Variants in RANBP2 observed in about 807,000 individuals in gnomAD.
RANBP2 encodes the protein E3 SUMO-protein ligase RanBP2.
Under a neutral mutation model 303.6 loss-of-function variants are expected in RANBP2, and 57 were observed. That is an observed-to-expected ratio of 0.19 (90% CI 0.15 to 0.23). RANBP2 has a LOEUF of 0.23. Among genes scored for constraint, RANBP2 ranks in the 10% least tolerant of loss-of-function variants. The probability of loss-of-function intolerance (pLI) is 1.00; values close to 1 mark genes in which losing one functional copy is unlikely to be tolerated. For missense variants in RANBP2, 3,138 were observed against 3,780.8 expected, an observed-to-expected ratio of 0.83 and a Z score of 4.46; for synonymous variants, 1,167 against 1,301.5, an observed-to-expected ratio of 0.90 and a Z score of 2.23.
chr2:109,425,860 T>C, the RANBP2 span, among the ~76,000 whole-genome samples: 1 of 152,214 alleles, frequency 6.6e-6, no homozygotes, highest in Non-Finnish European at 1.5e-5. Context: ...GATTGTCAAG[T>C]GTTCTTATTT....
chr2:108,844,742 A>G, the RANBP2 span, among the ~76,000 whole-genome samples: 1 of 148,576 alleles, frequency 6.7e-6, no homozygotes, highest in Non-Finnish European at 1.5e-5. Context: ...GGCAAATACT[A>G]TCCACATTTT....
the RANBP2 span, among the ~76,000 whole-genome samples, chr2:108,944,541 C>T: frequency 6.6e-6 from 1 of 152,228 alleles, no homozygotes; most frequent in Non-Finnish European, 1.5e-5. Context: ...GTGAAGCAGG[C>T]TCTCCTGGAT....
the RANBP2 span, among the ~76,000 whole-genome samples, chr2:108,841,176 C>T: frequency 2.0e-5 from 3 of 152,070 alleles, no homozygotes; most frequent in African/African-American, 7.2e-5. Context: ...GTTTCTGTTA[C>T]TCTGTTTTTC....
the RANBP2 span, among the ~76,000 whole-genome samples, chr2:109,063,075 G>C: frequency 2.0e-5 from 3 of 152,286 alleles, no homozygotes; most frequent in African/African-American, 7.2e-5. Flanking sequence ...ACCTGCTGGA[G>C]TGTGTGCCCC....
intron 12 of RANBP2, among the ~76,000 whole-genome samples, chr2:108,752,365 T>C (rs1221935115): frequency 6.6e-6 from 1 of 151,930 alleles, no homozygotes; most frequent in East Asian, 1.9e-4. Flanking sequence ...ATGGTCAGCC[T>C]TTTGAACAAA....
At chr2:109,172,388 C>A in the RANBP2 span, among the ~76,000 whole-genome samples, 1 of 152,264 alleles carries the variant, frequency 6.6e-6, no homozygotes, top group Non-Finnish European at 1.5e-5. Context: ...CGTCCTCTCC[C>A]TGCTCCTGGA....
the RANBP2 span, among the ~76,000 whole-genome samples, chr2:108,824,169 AAT>A: frequency 2.7e-4 from 15 of 54,974 alleles, no homozygotes; most frequent in East Asian, 3.4e-3. Flanking sequence ...TAGAAAAAAA[AAT>A]TTTTTCTTCA....
At chr2:109,629,500 T>A in the RANBP2 span, among the ~76,000 whole-genome samples, 1 of 151,456 alleles carries the variant, frequency 6.6e-6, no homozygotes, top group South Asian at 2.1e-4. Context: ...CTGTACAAAT[T>A]TGAATAGTAA....
At chr2:109,057,089 GA>G in the RANBP2 span, among the ~76,000 whole-genome samples, 1 of 152,106 alleles carries the variant, frequency 6.6e-6, no homozygotes, top group Non-Finnish European at 1.5e-5. Context: ...ATGAGTTTTT[GA>G]ATACCTAGGG....
the RANBP2 span, among the ~76,000 whole-genome samples, chr2:109,324,822 G>A: frequency 6.6e-6 from 1 of 152,202 alleles, no homozygotes; most frequent in Non-Finnish European, 1.5e-5. Context: ...TCCAAGGACA[G>A]TACTCTCCGT....
the RANBP2 span, chr2:108,805,060 T>C: frequency 2.0e-6 from 2 of 1,013,142 alleles, no homozygotes; most frequent in Non-Finnish European, 2.7e-6. Context: ...AGAAGTATAT[T>C]TTATATATAA....
chr2:108,756,814 C>T (rs1291911153), intron 17 of RANBP2, among the ~76,000 whole-genome samples: 1 of 152,176 alleles, frequency 6.6e-6, no homozygotes, highest in Non-Finnish European at 1.5e-5. Flanking sequence ...GTTCTCATCA[C>T]ACTGAATGTT....
the RANBP2 span, among the ~76,000 whole-genome samples, chr2:109,407,533 G>A: frequency 3.3e-5 from 5 of 152,294 alleles, no homozygotes; most frequent in African/African-American, 1.2e-4. Context: ...AGGAGCTGAA[G>A]CAGGACCTTC....
chr2:108,807,965 T>C, the RANBP2 span, among the ~76,000 whole-genome samples: 1 of 152,182 alleles, frequency 6.6e-6, no homozygotes, highest in Non-Finnish European at 1.5e-5. Context: ...ATTCCTTCCT[T>C]TCCACAGCCA....
the RANBP2 span, among the ~76,000 whole-genome samples, chr2:109,421,784 A>G: frequency 6.6e-6 from 1 of 152,224 alleles, no homozygotes; most frequent in Non-Finnish European, 1.5e-5. Context: ...CAGGTGACAC[A>G]GTGGCCCTCC....
chr2:108,752,881 T>A, intron 12 of RANBP2, 117 bp from the exon 13 acceptor site: 1 of 1,576,186 alleles, frequency 6.3e-7, no homozygotes, highest in Non-Finnish European at 8.7e-7. Flanking sequence ...AAATGACTAT[T>A]GAGATACCAT....
the RANBP2 span, among the ~76,000 whole-genome samples, chr2:109,005,253 C>T: frequency 1.3e-5 from 2 of 152,226 alleles, no homozygotes; most frequent in Non-Finnish European, 2.9e-5. Flanking sequence ...AACCTTCCTC[C>T]AGACTAATCT....
chr2:108,739,234 TC>T (rs1695869698), intron 6 of RANBP2, among the ~76,000 whole-genome samples: 1 of 151,834 alleles, frequency 6.6e-6, no homozygotes, highest in African/African-American at 2.4e-5. Flanking sequence ...AAACCTTGTC[TC>T]TACTAAAAAT....
At chr2:109,470,928 C>A in the RANBP2 span, among the ~76,000 whole-genome samples, 12 of 152,102 alleles carry the variant, frequency 7.9e-5, no homozygotes, top group African/African-American at 2.9e-4. Context: ...TAAAGAAATA[C>A]CAGAGACTAG....
Sources: allele counts gnomAD v4.1 joint callset (sites outside exome capture counted in the v4.1 genomes callset), GRCh38; gene constraint gnomAD v4.1.1; transcripts MANE v1.5; gene names NCBI Gene and HGNC (gene_info 2026-07-23, HGNC 2026-07-21).